Variants in NCOA7 observed in about 807,000 individuals in gnomAD.
NCOA7 encodes the protein nuclear receptor coactivator 7, also known as 140 kDa estrogen receptor-associated protein.
NCOA7 carries 45 observed loss-of-function variants against 104.3 expected under a neutral mutation model. The observed-to-expected ratio is 0.43, with a 90% CI of 0.34 to 0.55. The LOEUF is 0.55. Among genes scored for constraint, NCOA7 ranks in the 20% least tolerant of loss-of-function variants. NCOA7 has a pLI of 0.02. For synonymous variants in NCOA7, 398 were observed against 402.3 expected (o/e 0.99, Z 0.13); for missense variants, 1,041 against 1,119.7 (o/e 0.93, Z 1.00).
At chr6:125,804,942 T>G (rs1348744408) in intron 1 of NCOA7, among the ~76,000 whole-genome samples, 1 of 152,126 alleles carries the variant, frequency 6.6e-6, no homozygotes, top group African/African-American at 2.4e-5. Context: ...TTTAAAAACC[T>G]ACTCAGTGCA....
chr6:125,890,092 A>G (rs1240935138), intron 9 of NCOA7, 111 bp downstream of exon 9: 15 of 816,534 alleles, frequency 1.8e-5, no homozygotes, highest in Non-Finnish European at 2.6e-5. Flanking sequence ...TATTTTCTCA[A>G]TAGAGTGTAT....
intron 1 of NCOA7, among the ~76,000 whole-genome samples, chr6:125,793,425 C>T (rs1775029100): frequency 6.6e-6 from 1 of 152,126 alleles, no homozygotes; most frequent in African/African-American, 2.4e-5. Context: ...ATTACTTTGG[C>T]TTTGGAATCA....
intron 10 of NCOA7, among the ~76,000 whole-genome samples, chr6:125,912,634 A>G (rs904235728): frequency 2.6e-5 from 4 of 152,154 alleles, no homozygotes; most frequent in African/African-American, 4.8e-5. Flanking sequence ...CACATGATTT[A>G]CAGCTGTGAT....
At chr6:125,792,834 A>G (rs1774985112) in intron 1 of NCOA7, among the ~76,000 whole-genome samples, 1 of 151,526 alleles carries the variant, frequency 6.6e-6, no homozygotes, top group East Asian at 1.9e-4. Context: ...CTTTATTTTT[A>G]CACTATGACA....
At chr6:125,785,210 C>T (rs1409386700) in intron 1 of NCOA7, among the ~76,000 whole-genome samples, 6 of 152,042 alleles carry the variant, frequency 3.9e-5, no homozygotes, top group African/African-American at 1.2e-4. Context: ...TGGTGGTGGG[C>T]GCCTGTAATC....
chr6:125,785,128 A>G (rs1167941774), intron 1 of NCOA7, among the ~76,000 whole-genome samples: 2 of 152,190 alleles, frequency 1.3e-5, no homozygotes, highest in Non-Finnish European at 2.9e-5. Flanking sequence ...GCCTGAGGTC[A>G]GGAGTTCGAG....
chr6:125,846,726 C>G (rs1462520219), intron 2 of NCOA7, among the ~76,000 whole-genome samples: 1 of 152,242 alleles, frequency 6.6e-6, no homozygotes, highest in Non-Finnish European at 1.5e-5. Context: ...CGGGGAGGCC[C>G]TGTGGCAGTT....
intron 1 of NCOA7, chr6:125,810,366 TA>T (rs1242628720): frequency 6.6e-6 from 1 of 152,262 alleles, no homozygotes; most frequent in African/African-American, 2.4e-5. Flanking sequence ...TTTTATGTGC[TA>T]TTTTTATTTG....
chr6:125,869,661 A>G, intron 3 of NCOA7, among the ~76,000 whole-genome samples: 1 of 152,256 alleles, frequency 6.6e-6, no homozygotes, highest in South Asian at 2.1e-4. Flanking sequence ...GAGACTACTC[A>G]GGCAGCGTTG....
chr6:125,874,163 A>G (rs1783169367), intron 3 of NCOA7, among the ~76,000 whole-genome samples: 1 of 152,194 alleles, frequency 6.6e-6, no homozygotes, highest in African/African-American at 2.4e-5. Context: ...TGTCTCTACT[A>G]AAAATACAAA....
In NCOA7 at chr6:125,864,293, G is replaced by C. The variant is rs569660359; in HGVS notation, c.271+9053G>C. ...ACCAAATACTACAGTAAAAAAGTCG[G>C]TTGACAATAGTTACTGATTATGATT... is the stretch of plus-strand genomic sequence containing the variant. On this transcript the variant is annotated intron_variant, in intron 3 of 15. Coordinates refer to ENST00000392477, the MANE Select transcript of NCOA7 (RefSeq NM_181782.5). Among the ~76,000 whole-genome samples, 2 of 137,592 alleles carry C rather than the reference G, an allele frequency of 1.5e-5. 1 individual carries two copies. The highest frequency in any genetic ancestry group is 3.1e-5 in the Non-Finnish European group (2 of 64,828). 90.3% of individuals were successfully genotyped at this position (137,592 alleles called of 152,430 possible).
At chr6:125,899,036 T>G (rs1785276792) in intron 10 of NCOA7, among the ~76,000 whole-genome samples, 1 of 152,172 alleles carries the variant, frequency 6.6e-6, no homozygotes, top group African/African-American at 2.4e-5. Context: ...ATAGTATATG[T>G]AAATTGCTTT....
intron 3 of NCOA7, among the ~76,000 whole-genome samples, chr6:125,874,280 G>A (rs759549584): frequency 5.3e-5 from 8 of 152,198 alleles, no homozygotes; most frequent in Admixed American, 1.3e-4. Context: ...AGCCGAGATC[G>A]TGCCGCTGCA....
In NCOA7 at chr6:125,862,184, A is replaced by G. The variant is rs937409549; in HGVS notation, c.271+6944A>G. 1.9e-4 allele frequency among the ~76,000 whole-genome samples: 26 copies of G among 137,404 alleles called. 8 individuals carry two copies. Among genetic ancestry groups the G allele is most frequent in the African/African-American group, 7.6e-4 (25 of 32,774 alleles). The allele number at this position is 137,404 out of a possible 152,430, so 90.1% of individuals were successfully genotyped here. ...ACAGTCATCAAAGCTGGAATCAGAT[A>G]AGAAGATGCTTTCATGAGCTAAAAC... is the stretch of plus-strand genomic sequence containing the variant. On this transcript the variant is annotated intron_variant, in intron 3 of 15. Coordinates refer to ENST00000392477, the MANE Select transcript of NCOA7 (RefSeq NM_181782.5).
At chr6:125,824,261 C>A (rs1246858141) in intron 2 of NCOA7, among the ~76,000 whole-genome samples, 1 of 152,168 alleles carries the variant, frequency 6.6e-6, no homozygotes, top group Non-Finnish European at 1.5e-5. Flanking sequence ...ACTGATTGGT[C>A]ATTCCAAATC....
chr6:125,854,206 A>G (rs1781363918), intron 2 of NCOA7, among the ~76,000 whole-genome samples: 1 of 152,208 alleles, frequency 6.6e-6, no homozygotes, highest in Non-Finnish European at 1.5e-5. Flanking sequence ...TTCTCAAAGC[A>G]CTTAGATTCT....
chr6:125,904,725 G>A (rs902487820), intron 10 of NCOA7, among the ~76,000 whole-genome samples: 10 of 152,316 alleles, frequency 6.6e-5, no homozygotes, highest in Admixed American at 6.5e-4. Context: ...GCATTTTGGA[G>A]ACTGGTGCAA....
At chr6:125,883,966 G>A (rs1432943461) in intron 7 of NCOA7, among the ~76,000 whole-genome samples, 2 of 152,066 alleles carry the variant, frequency 1.3e-5, no homozygotes, top group African/African-American at 2.4e-5. Context: ...TGATCCACCT[G>A]CCTTGGCCTC....
intron 3 of NCOA7, among the ~76,000 whole-genome samples, chr6:125,862,654 T>C (rs777094713): frequency 1.4e-5 from 2 of 138,090 alleles, no homozygotes; most frequent in Non-Finnish European, 1.5e-5. Flanking sequence ...CTTTTGAAAA[T>C]GTTTGATAAC....
Sources: allele counts gnomAD v4.1 joint callset (sites outside exome capture counted in the v4.1 genomes callset), GRCh38; gene constraint gnomAD v4.1.1; transcripts MANE v1.5; gene names NCBI Gene and HGNC (gene_info 2026-07-23, HGNC 2026-07-21).